Variants in EHD1 observed in about 807,000 individuals in gnomAD.
EHD1 encodes EH domain-containing protein 1.
In EHD1, 19 loss-of-function variants were observed where a neutral mutation model predicts 39.0. That is an observed-to-expected ratio of 0.49 (90% CI 0.34 to 0.72). The LOEUF (loss-of-function observed/expected upper bound fraction) is 0.72. Ranked by LOEUF, EHD1 falls within the 30% of genes least tolerant of loss-of-function variation. The pLI is 0.01. For missense variants in EHD1, 542 were observed against 751.5 expected, an observed-to-expected ratio of 0.72 and a Z score of 3.26; for synonymous variants, 323 against 331.2, an observed-to-expected ratio of 0.98 and a Z score of 0.27.
chr11:64,874,323 G>T, intron 2 of EHD1, 98 bp downstream of exon 2: 4 of 863,802 alleles, frequency 4.6e-6, no homozygotes, highest in Non-Finnish European at 6.8e-6. Context: ...AAAAAAAAAG[G>T]AGAAATCTCA....
intron 2 of EHD1, among the ~76,000 whole-genome samples, chr11:64,861,185 C>CAA (rs113324966): frequency 1.2e-4 from 15 of 125,466 alleles, no homozygotes; most frequent in Admixed American, 2.5e-4. Flanking sequence ...GACTCCGTCT[C>CAA]AAAAAAAAAA....
chr11:64,859,723 G>A (rs1398348171), intron 3 of EHD1: 9 of 707,030 alleles, frequency 1.3e-5, no homozygotes, highest in South Asian at 4.3e-5. Flanking sequence ...GAGGGAGGCC[G>A]GGTAGAGAAT....
chr11:64,871,697 A>G lies in EHD1; in HGVS notation c.502+2724T>C, dbSNP rs75601174. ...CAGCCACCGGCTCCTTCCTGCCCAT[A>G]ATGGGTAGAGATGACCTTCTGTGGA... On this transcript the variant is annotated intron_variant, in intron 2 of 4. Coordinates refer to ENST00000320631, the MANE Select transcript of EHD1 (RefSeq NM_006795.4). Among the ~76,000 whole-genome samples the G allele has an allele frequency of 3.0e-4, 46 of 152,192 alleles. No individual in the cohort carries two copies. In the East Asian group the frequency reaches 7.6e-3, roughly 25 times the overall value.
At position 64,852,740 on chromosome 11, in the gene EHD1, G is replaced by A. The variant is rs150218789; in HGVS notation, c.*1593C>T. On this transcript the variant is annotated 3_prime_UTR_variant, in exon 5 of 5. Transcript: ENST00000320631. ...AGGAAGCACCCGAAGCTTTCGCACA[G>A]TTCAGACTTTTTAATGCAAGGAGAA... 1.3e-5 allele frequency: 2 copies of A among 152,764 alleles called. No homozygotes were observed. The highest frequency in any genetic ancestry group is 2.9e-5 in the Non-Finnish European group (2 of 68,074). The allele number at this position is 152,764 out of a possible 1,614,324, so 9.5% of individuals were successfully genotyped here.
At chr11:64,855,696 CA>C in intron 3 of EHD1, 1 of 645,444 alleles carries the variant, frequency 1.5e-6, no homozygotes, top group Non-Finnish European at 2.6e-6. Flanking sequence ...TGTCCACTGC[CA>C]CAGGACAGAG....
intron 2 of EHD1, among the ~76,000 whole-genome samples, chr11:64,863,722 C>T (rs1454137333): frequency 1.3e-5 from 2 of 152,258 alleles, no homozygotes; most frequent in Non-Finnish European, 2.9e-5. Flanking sequence ...ACACCTGGCG[C>T]TCCCAGAAGG....
chr11:64,854,443 C>T lies in EHD1; in HGVS notation c.1495G>A (p.Glu499Lys). 5 of 1,614,130 alleles carry T rather than the reference C, an allele frequency of 3.1e-6. No homozygotes were observed. Among genetic ancestry groups the T allele is most frequent in the Non-Finnish European group, 3.4e-6 (4 of 1,179,988 alleles). The change falls in exon 5 of 5, where the codon GAG becomes AAG. Residue 499 changes from glutamate (E) to lysine (K), a missense_variant. Coordinates refer to ENST00000320631, the MANE Select transcript of EHD1 (RefSeq NM_006795.4). ...AGGTGGTTGGCCAGCGCGAACTCCT[C>T]GTCGTCCAGCAGCCCGTCCTTGTCC... ...DVDKDGLLDD[E>K]EFALANHLIK...
intron 2 of EHD1, among the ~76,000 whole-genome samples, chr11:64,864,424 G>C (rs1482315947): frequency 6.6e-6 from 1 of 152,254 alleles, no homozygotes; most frequent in African/African-American, 2.4e-5. Flanking sequence ...CCACAGGAGA[G>C]GATGCCCAAA....
chr11:64,866,964 G>T (rs1193021849), intron 2 of EHD1, among the ~76,000 whole-genome samples: 1 of 152,146 alleles, frequency 6.6e-6, no homozygotes, highest in Non-Finnish European at 1.5e-5. Flanking sequence ...AGCCACGAGG[G>T]GAGCTGGTGT....
chr11:64,855,534 C>A, intron 3 of EHD1, 48 bp from the exon 4 acceptor site: 2 of 1,605,782 alleles, frequency 1.2e-6, no homozygotes, highest in Non-Finnish European at 1.7e-6. Flanking sequence ...CCAGGCTGCC[C>A]CCGAGAGCAG....
chr11:64,854,299 G>A lies in EHD1; in HGVS notation c.*34C>T. On this transcript the variant is annotated 3_prime_UTR_variant, in exon 5 of 5. Transcript: ENST00000320631. ...TCCCCCCGTCTCTGCCTCCCGGCCG[G>A]GCGTGCAAATGGCAGGTGCGGGGCC... is the stretch of plus-strand genomic sequence containing the variant. 6.4e-7 allele frequency: 1 copy of A among 1,565,832 alleles called. No individual in the cohort carries two copies. The highest frequency in any genetic ancestry group is 8.6e-7 in the Non-Finnish European group (1 of 1,157,124).
At chr11:64,875,444 G>A (rs960373964) in intron 1 of EHD1, among the ~76,000 whole-genome samples, 2 of 152,120 alleles carry the variant, frequency 1.3e-5, no homozygotes, top group Non-Finnish European at 2.9e-5. Flanking sequence ...CCAGCTACTC[G>A]GCAGGCTGAG....
chr11:64,879,104 C>G (rs1009485685), upstream of EHD1: 8 of 999,926 alleles, frequency 8.0e-6, no homozygotes, highest in African/African-American at 1.4e-4. Context: ...GGCACCTCCT[C>G]CTCTCAGCCC....
chr11:64,866,270 C>A (rs551969525), intron 2 of EHD1, among the ~76,000 whole-genome samples: 1 of 152,292 alleles, frequency 6.6e-6, no homozygotes, highest in South Asian at 2.1e-4. Flanking sequence ...AAACCAAATA[C>A]CGCATGTTCC....
At chr11:64,871,341 G>A (rs749497686) in intron 2 of EHD1, among the ~76,000 whole-genome samples, 94 of 152,238 alleles carry the variant, frequency 6.2e-4, no homozygotes, top group Non-Finnish European at 1.1e-3. Context: ...GCTCCACTCC[G>A]ACCTCCTCCG....
In EHD1 at chr11:64,878,192, C is replaced by A; in HGVS notation, c.273G>T (p.Glu91Asp). 1 of 1,611,492 alleles carries A rather than the reference C, an allele frequency of 6.2e-7. No individual in the cohort carries two copies. The change falls in exon 1 of 5, where the codon GAG (glutamate) becomes GAT (aspartate). Residue 91 changes from glutamate to aspartate, a missense_variant. Glu to Asp is a conservative substitution (Grantham distance 45). Coordinates refer to ENST00000320631, the MANE Select transcript of EHD1 (RefSeq NM_006795.4). ...QDFPGMRIGP[E>D]PTTDSFIAVM... The stretch of plus-strand genomic sequence containing the variant: ...CGGCGATGAAGGAGTCGGTGGTGGG[C>A]TCGGGCCCGATGCGCATCCCCGGGA...
At chr11:64,864,166 G>A (rs1301661326) in intron 2 of EHD1, among the ~76,000 whole-genome samples, 10 of 152,186 alleles carry the variant, frequency 6.6e-5, no homozygotes, top group African/African-American at 1.2e-4. Flanking sequence ...AAGCAGCCCC[G>A]AGGGCCAAGC....
intron 2 of EHD1, among the ~76,000 whole-genome samples, chr11:64,872,662 G>A (rs1943842365): frequency 1.3e-5 from 2 of 152,022 alleles, no homozygotes; most frequent in South Asian, 2.1e-4. Flanking sequence ...ACTGTCACCA[G>A]GGGTGGGAGA....
chr11:64,854,936 C>A, intron 4 of EHD1, 79 bp from the exon 5 acceptor site: 2 of 1,533,460 alleles, frequency 1.3e-6, no homozygotes, highest in African/African-American at 1.4e-5. Context: ...CCAGTCAGGG[C>A]TTCACAAGCA....
Sources: allele counts gnomAD v4.1 joint callset (sites outside exome capture counted in the v4.1 genomes callset), GRCh38; gene constraint gnomAD v4.1.1; transcripts MANE v1.5; gene names NCBI Gene and HGNC (gene_info 2026-07-23, HGNC 2026-07-21).